Variants in ROCK2 observed in about 807,000 individuals in gnomAD.
ROCK2 encodes rho-associated protein kinase 2.
Under a neutral mutation model 195.1 loss-of-function variants are expected in ROCK2, and 61 were observed. The observed-to-expected ratio is 0.31, with a 90% CI of 0.25 to 0.39. The LOEUF (loss-of-function observed/expected upper bound fraction) is 0.39, where lower values mean the gene tolerates loss of function less well. Ranked by LOEUF, ROCK2 falls within the 10% of genes least tolerant of loss-of-function variation. The probability of loss-of-function intolerance (pLI) is 1.00; values close to 1 mark genes in which losing one functional copy is unlikely to be tolerated. For missense variants in ROCK2, 1,109 were observed against 1,637.4 expected, an observed-to-expected ratio of 0.68 and a Z score of 5.57; for synonymous variants, 504 against 545.5, an observed-to-expected ratio of 0.92 and a Z score of 1.06.
intron 3 of ROCK2, among the ~76,000 whole-genome samples, chr2:11,278,487 A>C (rs995860994): frequency 6.6e-6 from 1 of 152,234 alleles, no homozygotes; most frequent in Non-Finnish European, 1.5e-5. Flanking sequence ...GGTTGATTCC[A>C]TATCTTGGCT....
intron 8 of ROCK2, 72 bp from the exon 9 acceptor site, chr2:11,221,429 GTAT>G: frequency 4.6e-6 from 5 of 1,094,792 alleles, no homozygotes; most frequent in Non-Finnish European, 6.3e-6. Flanking sequence ...TTATTATGAT[GTAT>G]TATTTATTAT....
chr2:11,234,288 C>T (rs1665126808), intron 5 of ROCK2: 2 of 152,066 alleles, frequency 1.3e-5, no homozygotes, highest in Non-Finnish European at 2.9e-5. Context: ...CCTTAACCAC[C>T]CTTATCTTCC....
intron 1 of ROCK2, among the ~76,000 whole-genome samples, chr2:11,295,981 AGAGAGAGAGGAGAGAGAGAGAGAG>A (rs1667505387): frequency 4.4e-5 from 3 of 68,536 alleles, no homozygotes; most frequent in Middle Eastern, 8.9e-3. Flanking sequence ...AGAGAGAGAG[AGAGAGAGAGGAGAGAGAGAGAGAG>A]GAGAGAGAGA....
chr2:11,207,938 A>C lies in ROCK2; in HGVS notation c.2365-28T>G, dbSNP rs191251789. ...AAGAAATAAATTGTGTACTTGGTATATAAGTAAATTATTTCCATTTTTCTA... is the reference window on the plus strand; with the variant it reads ...AAGAAATAAATTGTGTACTTGGTATCTAAGTAAATTATTTCCATTTTTCTA... On this transcript the variant is annotated intron_variant, in intron 19 of 32. Coordinates refer to ENST00000315872, the MANE Select transcript of ROCK2 (RefSeq NM_004850.5). The C allele has an allele frequency of 2.0e-5, 28 of 1,406,136 alleles. No individual in the cohort carries two copies. The East Asian group carries it at 6.1e-4, about 31-fold the overall frequency. 87.1% of individuals were successfully genotyped at this position (1,406,136 alleles called of 1,614,324 possible). A position where few individuals can be genotyped will look rare whatever the true frequency, so the allele number is the denominator to read the frequency against.
chr2:11,302,088 G>A (rs1188832340), intron 1 of ROCK2, among the ~76,000 whole-genome samples: 1 of 151,892 alleles, frequency 6.6e-6, no homozygotes, highest in Non-Finnish European at 1.5e-5. Flanking sequence ...TTACAGGCGT[G>A]AGCCACCACG....
At chr2:11,252,544 A>C (rs1461238000) in intron 3 of ROCK2, among the ~76,000 whole-genome samples, 1 of 152,194 alleles carries the variant, frequency 6.6e-6, no homozygotes, top group Admixed American at 6.5e-5. Flanking sequence ...AAGACTTGGA[A>C]CCAACACAAA....
chr2:11,265,254 ATATAT>A (rs1666373748), intron 3 of ROCK2, among the ~76,000 whole-genome samples: 1 of 152,214 alleles, frequency 6.6e-6, no homozygotes, highest in Non-Finnish European at 1.5e-5. Context: ...TAAGACTTAA[ATATAT>A]TACATTTATC....
chr2:11,287,783 G>T, intron 1 of ROCK2, 47 bp from the exon 2 acceptor site: 1 of 780,684 alleles, frequency 1.3e-6, no homozygotes. Context: ...CAATTTCCAA[G>T]CATTCATTTA....
chr2:11,287,748 TAA>T lies in ROCK2; in HGVS notation c.142-14_142-13del, dbSNP rs1301793249. ...GAATTTAAGCCATCCTGTTAAGAAA[TAA>T]AAAGAGGAAATGACAGTTTTTACAA... On this transcript the variant is annotated splice_polypyrimidine_tract_variant and intron_variant, in intron 1 of 32. Transcript: ENST00000315872. 8.7e-7 allele frequency: 1 copy of T among 1,148,636 alleles called. No individual in the cohort carries two copies. Among genetic ancestry groups the T allele is most frequent in the Non-Finnish European group, 1.2e-6 (1 of 840,132 alleles). 71.2% of individuals were successfully genotyped at this position (1,148,636 alleles called of 1,614,324 possible). A position where few individuals can be genotyped will look rare whatever the true frequency, so the allele number is the denominator to read the frequency against.
intron 4 of ROCK2, among the ~76,000 whole-genome samples, chr2:11,244,021 G>A (rs1381582118): frequency 6.6e-6 from 1 of 152,142 alleles, no homozygotes; most frequent in Non-Finnish European, 1.5e-5. Context: ...CATTTTCACA[G>A]ATGAACATGT....
At position 11,244,130 on chromosome 2, in the gene ROCK2, A is replaced by G. The variant is rs546797880; in HGVS notation, c.462+5531T>C. On this transcript the variant is annotated intron_variant, in intron 4 of 32. Coordinates refer to ENST00000315872, the MANE Select transcript of ROCK2 (RefSeq NM_004850.5). ...GGACCCCAGTTGAGCAAACATTCAG[A>G]AAAGAATTTCATTCTTGTCATTAGT... Among the ~76,000 whole-genome samples the G allele has an allele frequency of 3.3e-5, 5 of 152,366 alleles. No individual in the cohort carries two copies. The East Asian group carries it at 9.6e-4, about 29-fold the overall frequency.
At chr2:11,287,779 C>T in intron 1 of ROCK2, 43 bp from the exon 2 acceptor site, 1 of 808,670 alleles carries the variant, frequency 1.2e-6, no homozygotes, top group Non-Finnish European at 1.8e-6. Flanking sequence ...TTTACAATTT[C>T]CAAGCATTCA....
chr2:11,223,317 G>A (rs745636468), intron 7 of ROCK2, among the ~76,000 whole-genome samples: 16 of 152,106 alleles, frequency 1.1e-4, no homozygotes, highest in Admixed American at 6.6e-4. Flanking sequence ...TCAGTTTGAC[G>A]AGAAGAAAAC....
intron 20 of ROCK2, 75 bp downstream of exon 20, chr2:11,207,651 A>G: frequency 8.5e-7 from 1 of 1,176,926 alleles, no homozygotes; most frequent in Non-Finnish European, 1.2e-6. Flanking sequence ...CTCAAAAGAA[A>G]ATCCACAGAT....
intron 23 of ROCK2, 71 bp from the exon 24 acceptor site, chr2:11,198,845 G>T: frequency 1.1e-6 from 1 of 869,792 alleles, no homozygotes; most frequent in Non-Finnish European, 1.8e-6. Context: ...TGATTCAAAT[G>T]AGAAACATCC....
intron 5 of ROCK2, among the ~76,000 whole-genome samples, chr2:11,229,622 C>CA (rs577055622): frequency 0.027 from 2,401 of 88,044 alleles, 44 homozygotes; most frequent in African/African-American, 0.071. Flanking sequence ...AAATGCAACA[C>CA]AAAAAAAAAA....
chr2:11,344,494 C>T lies in ROCK2; in HGVS notation c.-358G>A, dbSNP rs1297451233. 1 of 992,754 alleles carries T rather than the reference C, an allele frequency of 1.0e-6. No individual in the cohort carries two copies. Among genetic ancestry groups the T allele is most frequent in the Admixed American group, 6.1e-5 (1 of 16,364 alleles). The allele number at this position is 992,754 out of a possible 1,614,324, so 61.5% of individuals were successfully genotyped here. A position where few individuals can be genotyped will look rare whatever the true frequency, so the allele number is the denominator to read the frequency against. ...CCGCCACCGCCGCGGCCCGGACCGC[C>T]CCGCCCTCTGGGGCCCCGGGAGGCT... On this transcript the variant is annotated 5_prime_UTR_variant, in exon 1 of 33. Coordinates refer to ENST00000315872, the MANE Select transcript of ROCK2 (RefSeq NM_004850.5). This position sits in a 1 kb window ranked among gnomAD's most constrained non-coding sequence, Gnocchi z 5.4.
intron 1 of ROCK2, among the ~76,000 whole-genome samples, chr2:11,316,446 C>T (rs138327718): frequency 3.9e-5 from 6 of 152,216 alleles, no homozygotes; most frequent in African/African-American, 9.6e-5. Flanking sequence ...ATATTAACAG[C>T]TGAGAATGGC....
At chr2:11,278,978 A>C (rs1015441849) in intron 3 of ROCK2, among the ~76,000 whole-genome samples, 1 of 151,774 alleles carries the variant, frequency 6.6e-6, no homozygotes, top group Non-Finnish European at 1.5e-5. Context: ...GGCAAACACT[A>C]AAAAAAAGGA....
Sources: gnomAD v4.1 joint callset for allele counts (sites outside exome capture counted in the v4.1 genomes callset) on GRCh38, gnomAD v4.1.1 for gene constraint, Gnocchi (gnomAD v3.1) non-coding constraint, MANE v1.5 for transcripts, NCBI Gene and HGNC (gene_info 2026-07-23, HGNC 2026-07-21) for gene names.